Variants in NKAIN2 observed in about 807,000 individuals in gnomAD.
NKAIN2 encodes the protein sodium/potassium-transporting ATPase subunit beta-1-interacting protein 2.
A neutral mutation model predicts 32.6 loss-of-function variants in NKAIN2; 14 were observed. That is an observed-to-expected ratio of 0.43 (90% CI 0.28 to 0.67). The LOEUF (loss-of-function observed/expected upper bound fraction) is 0.67, where lower values mean the gene tolerates loss of function less well. Among genes scored for constraint, NKAIN2 ranks in the 30% least tolerant of loss-of-function variants. The pLI is 0.17. For synonymous variants in NKAIN2, 80 were observed against 87.2 expected, an observed-to-expected ratio of 0.92 and a Z score of 0.46; for missense variants, 198 against 258.3, an observed-to-expected ratio of 0.77 and a Z score of 1.60.
chr6:123,997,824 C>T (rs1407484856), intron 1 of NKAIN2, among the ~76,000 whole-genome samples: 1 of 151,872 alleles, frequency 6.6e-6, no homozygotes, highest in Non-Finnish European at 1.5e-5. Context: ...AGGATGGTCT[C>T]GATCTTCTGA....
intron 5 of NKAIN2, among the ~76,000 whole-genome samples, chr6:124,798,499 C>T (rs1374991538): frequency 6.6e-6 from 1 of 152,040 alleles, no homozygotes; most frequent in African/African-American, 2.4e-5. Context: ...GATCACAAAG[C>T]CTGAAGACCC....
intron 4 of NKAIN2, among the ~76,000 whole-genome samples, chr6:124,662,365 C>T (rs1245837838): frequency 6.6e-6 from 1 of 151,878 alleles, no homozygotes; most frequent in Non-Finnish European, 1.5e-5. Context: ...GACTTAGAAA[C>T]AGTGTACAAA....
chr6:124,483,421 A>T (rs1777535037), intron 3 of NKAIN2, among the ~76,000 whole-genome samples: 1 of 152,206 alleles, frequency 6.6e-6, no homozygotes. Flanking sequence ...TTAGAAAAAT[A>T]ATGAAAAAGT....
chr6:124,274,854 T>A (rs1436732434), intron 1 of NKAIN2, among the ~76,000 whole-genome samples: 1 of 152,048 alleles, frequency 6.6e-6, no homozygotes, highest in Non-Finnish European at 1.5e-5. Context: ...AAAAACCCTA[T>A]TACTGAAAAT....
chr6:124,027,185 G>A (rs1277037238), intron 1 of NKAIN2, among the ~76,000 whole-genome samples: 1 of 149,348 alleles, frequency 6.7e-6, no homozygotes. Context: ...TGTTGCCCAG[G>A]CTGAAGTGCA....
chr6:124,725,827 T>C (rs1406983120), intron 4 of NKAIN2, among the ~76,000 whole-genome samples: 1 of 152,114 alleles, frequency 6.6e-6, no homozygotes, highest in African/African-American at 2.4e-5. Context: ...TGCCAGACAG[T>C]GGGCGCAGGT....
At chr6:124,073,636 T>A (rs1380459163) in intron 1 of NKAIN2, among the ~76,000 whole-genome samples, 1 of 152,158 alleles carries the variant, frequency 6.6e-6, no homozygotes, top group Non-Finnish European at 1.5e-5. Flanking sequence ...AAGTCATTAA[T>A]ATTACCTACA....
At chr6:124,110,880 A>G (rs1785353366) in intron 1 of NKAIN2, among the ~76,000 whole-genome samples, 1 of 152,060 alleles carries the variant, frequency 6.6e-6, no homozygotes, top group African/African-American at 2.4e-5. Context: ...TATTTTTGGT[A>G]CAATCATTTA....
At chr6:124,310,252 AT>A (rs892569359) in intron 2 of NKAIN2, among the ~76,000 whole-genome samples, 123 of 151,626 alleles carry the variant, frequency 8.1e-4, no homozygotes, top group Middle Eastern at 3.4e-3. Context: ...ATTTATGTAG[AT>A]TTTTTTTTGT....
At chr6:124,636,119 A>G (rs1783763655) in intron 3 of NKAIN2, among the ~76,000 whole-genome samples, 1 of 151,972 alleles carries the variant, frequency 6.6e-6, no homozygotes, top group Admixed American at 6.6e-5. Flanking sequence ...GAATAAAACT[A>G]GAAATAAATA....
intron 2 of NKAIN2, among the ~76,000 whole-genome samples, chr6:124,337,868 T>C (rs1163190798): frequency 6.6e-6 from 1 of 152,170 alleles, no homozygotes; most frequent in African/African-American, 2.4e-5. Context: ...TGCTGGGATG[T>C]TGAGCTCCTC....
chr6:124,474,275 T>C (rs1777096378), intron 3 of NKAIN2, among the ~76,000 whole-genome samples: 1 of 152,078 alleles, frequency 6.6e-6, no homozygotes, highest in African/African-American at 2.4e-5. Context: ...GTAAGTGACA[T>C]TAAGTTTTTT....
intron 3 of NKAIN2, among the ~76,000 whole-genome samples, chr6:124,627,741 C>T (rs139005724): frequency 6.6e-5 from 10 of 152,206 alleles, no homozygotes; most frequent in African/African-American, 4.8e-5. Flanking sequence ...GGTACTCAGT[C>T]GTCTTAGTTA....
chr6:124,258,317 G>A (rs933384936), intron 1 of NKAIN2, among the ~76,000 whole-genome samples: 3 of 152,104 alleles, frequency 2.0e-5, no homozygotes, highest in Admixed American at 6.6e-5. Context: ...TGTGCCCTGT[G>A]ACAGCAAGAA....
intron 1 of NKAIN2, among the ~76,000 whole-genome samples, chr6:124,168,921 G>A (rs193252026): frequency 1.3e-5 from 2 of 152,120 alleles, no homozygotes; most frequent in East Asian, 1.9e-4. Flanking sequence ...TTTAACAATC[G>A]GAATATTTGG....
chr6:123,858,368 G>A (rs6927811), intron 1 of NKAIN2, among the ~76,000 whole-genome samples: 30,929 of 151,978 alleles, frequency 0.2, 3,521 homozygotes, highest in East Asian at 0.45. Context: ...TGCCCGCCTC[G>A]GCCTCCCAAA....
chr6:123,860,797 A>G (rs1206037845), intron 1 of NKAIN2, among the ~76,000 whole-genome samples: 1 of 152,014 alleles, frequency 6.6e-6, no homozygotes, highest in Non-Finnish European at 1.5e-5. Context: ...CCTCTCACAT[A>G]CTTTTCTCCC....
At chr6:124,676,949 G>T (rs1773387663) in intron 4 of NKAIN2, among the ~76,000 whole-genome samples, 1 of 152,026 alleles carries the variant, frequency 6.6e-6, no homozygotes, top group Non-Finnish European at 1.5e-5. Context: ...GATCTTGTGG[G>T]GTTTGTTGTT....
chr6:124,271,193 G>A (rs142068892), intron 1 of NKAIN2, among the ~76,000 whole-genome samples: 339 of 152,236 alleles, frequency 2.2e-3, no homozygotes, highest in African/African-American at 7.8e-3. Context: ...CACTGGCCAT[G>A]TGGAATTGTG....
Sources: gnomAD v4.1 joint callset for allele counts (sites outside exome capture counted in the v4.1 genomes callset) on GRCh38, gnomAD v4.1.1 for gene constraint, MANE v1.5 for transcripts, NCBI Gene and HGNC (gene_info 2026-07-23, HGNC 2026-07-21) for gene names.